Variants in TMEM181 observed in about 807,000 individuals in gnomAD.
TMEM181 encodes G protein-coupled receptor 178.
A neutral mutation model predicts 71.9 loss-of-function variants in TMEM181; 39 were observed. The ratio of observed to expected loss-of-function variants is 0.54; its 90% CI spans 0.42 to 0.71. TMEM181 has a LOEUF of 0.71. Ranked by LOEUF, TMEM181 falls within the 30% of genes least tolerant of loss-of-function variation. The pLI is 0.00. For synonymous variants in TMEM181, 245 were observed against 228.8 expected, an observed-to-expected ratio of 1.07 and a Z score of -0.64; for missense variants, 595 against 583.0, an observed-to-expected ratio of 1.02 and a Z score of -0.21.
At chr6:158,558,879 C>T (rs1239834258), upstream of TMEM181, among the ~76,000 whole-genome samples, 1 of 152,194 alleles carries the variant, frequency 6.6e-6, no homozygotes, top group Non-Finnish European at 1.5e-5. Context: ...CCCCTTCCCG[C>T]GCCCCACGTC....
intron 1 of TMEM181, among the ~76,000 whole-genome samples, chr6:158,573,028 G>C (rs532509188): frequency 6.6e-6 from 1 of 152,114 alleles, no homozygotes; most frequent in African/African-American, 2.4e-5. Flanking sequence ...GGGTGTGCCA[G>C]TGTGTGTGCG....
intron 16 of TMEM181, 65 bp from the exon 17 acceptor site, chr6:158,631,745 G>T: frequency 6.7e-7 from 1 of 1,486,594 alleles, no homozygotes; most frequent in Non-Finnish European, 9.2e-7. Flanking sequence ...TGGTGTGTCA[G>T]TGTGGAAGAG....
chr6:158,629,700 A>G, intron 14 of TMEM181, 30 bp from the exon 15 acceptor site: 2 of 1,563,178 alleles, frequency 1.3e-6, no homozygotes, highest in Non-Finnish European at 1.7e-6. Flanking sequence ...ATGTGTCCAG[A>G]TGCCGCGTTC....
At chr6:158,581,676 A>AC (rs1471811993) in intron 3 of TMEM181, among the ~76,000 whole-genome samples, 16 of 132,410 alleles carry the variant, frequency 1.2e-4, no homozygotes, top group South Asian at 2.4e-4. Context: ...AATGGTGTGA[A>AC]CCCGGGCGGG....
At position 158,607,270 on chromosome 6, in the gene TMEM181, A is replaced by G. The variant is rs1196029196; in HGVS notation, c.600A>G (p.Lys200=). 1.1e-5 allele frequency: 17 copies of G among 1,613,928 alleles called. No individual in the cohort carries two copies. The highest frequency in any genetic ancestry group is 1.1e-5 in the Non-Finnish European group (13 of 1,180,022). Residue 200 remains lysine, a synonymous_variant, in exon 8 of 17, where the codon AAA becomes AAG. Transcript: ENST00000684151. ...GCCTGTTTGCGCATTCCCTCCGGAA[A>G]TTTTCCATGAGAGACTGGGGCATCG... ...VTCLFAHSLR[K]FSMRDWGIEQ...
At chr6:158,541,395 C>T (rs948623821) in intron 1 of TMEM181, among the ~76,000 whole-genome samples, 2 of 151,620 alleles carry the variant, frequency 1.3e-5, no homozygotes, top group South Asian at 2.1e-4. Context: ...CCAGCCTGGG[C>T]GACAAGAGCG....
At chr6:158,551,074 C>T (rs1341270519) in intron 1 of TMEM181, among the ~76,000 whole-genome samples, 1 of 151,690 alleles carries the variant, frequency 6.6e-6, no homozygotes, top group Non-Finnish European at 1.5e-5. Flanking sequence ...ATTCTCCTGC[C>T]TCAGCCTCCC....
In TMEM181 at chr6:158,625,182, G is replaced by A. The variant is rs1263945682; in HGVS notation, c.1033G>A (p.Glu345Lys). Reference protein sequence around the residue: ...LLFLIVRACSELRHMPYVDLR... With the variant: ...LLFLIVRACSKLRHMPYVDLR... ...GTTCTTGATAGTGCGGGCGTGTTCC[G>A]AGCTACGTCACATGCCTTATGTGGG... The change falls in exon 12 of 17, where the codon GAG becomes AAG. Residue 345 changes from glutamate (E) to lysine (K), a missense_variant. Transcript: ENST00000684151. 12 of 1,614,016 alleles carry A rather than the reference G, an allele frequency of 7.4e-6. No individual in the cohort carries two copies. The highest frequency in any genetic ancestry group is 1.7e-5 in the Admixed American group (1 of 59,996).
chr6:158,601,546 G>T (rs892851003), intron 6 of TMEM181, among the ~76,000 whole-genome samples: 2 of 152,138 alleles, frequency 1.3e-5, no homozygotes, highest in Admixed American at 1.3e-4. Flanking sequence ...GGATCACAAG[G>T]TCAGGAGTTC....
At chr6:158,589,636 C>T (rs1562638865) in intron 5 of TMEM181, 36 bp from the exon 6 acceptor site, 1 of 1,558,340 alleles carries the variant, frequency 6.4e-7, no homozygotes, top group South Asian at 1.1e-5. Flanking sequence ...GTGAGTCTCG[C>T]TTTCTTTAAA....
intron 14 of TMEM181, 96 bp downstream of exon 14, chr6:158,628,586 C>A: frequency 1.9e-6 from 2 of 1,049,190 alleles, no homozygotes; most frequent in South Asian, 1.4e-5. Flanking sequence ...GGAGACAGGT[C>A]AGCTCCTCGC....
At chr6:158,554,161 C>CT (rs1781805156) in intron 1 of TMEM181, among the ~76,000 whole-genome samples, 2 of 152,114 alleles carry the variant, frequency 1.3e-5, no homozygotes, top group Admixed American at 1.3e-4. Flanking sequence ...TCTTGGCTCA[C>CT]TGCAACCTCC....
At chr6:158,545,011 G>A (rs943656173) in intron 1 of TMEM181, among the ~76,000 whole-genome samples, 5 of 152,216 alleles carry the variant, frequency 3.3e-5, no homozygotes, top group Admixed American at 3.3e-4. Context: ...ACGCCCCGGG[G>A]TGACGGTTTA....
At chr6:158,596,487 G>A (rs1784397412) in intron 6 of TMEM181, among the ~76,000 whole-genome samples, 1 of 152,130 alleles carries the variant, frequency 6.6e-6, no homozygotes, top group Non-Finnish European at 1.5e-5. Context: ...GCCTGGTGGT[G>A]CCCTTGGCTC....
intron 10 of TMEM181, among the ~76,000 whole-genome samples, chr6:158,615,129 C>T (rs1785546052): frequency 6.6e-6 from 1 of 152,234 alleles, no homozygotes; most frequent in Non-Finnish European, 1.5e-5. Flanking sequence ...TCCTCTTTCT[C>T]TACATCCTCT....
chr6:158,563,943 A>G (rs1191510187), intron 1 of TMEM181, among the ~76,000 whole-genome samples: 1 of 151,972 alleles, frequency 6.6e-6, no homozygotes, highest in African/African-American at 2.4e-5. Flanking sequence ...CACCACACCT[A>G]ATTTTTGTAT....
intron 1 of TMEM181, among the ~76,000 whole-genome samples, chr6:158,542,758 C>CCA: frequency 6.6e-6 from 1 of 151,964 alleles, no homozygotes; most frequent in East Asian, 1.9e-4. Context: ...GCGTGGACCA[C>CCA]CACACCTGGC....
intron 5 of TMEM181, among the ~76,000 whole-genome samples, chr6:158,588,750 C>T (rs1394899434): frequency 6.6e-6 from 1 of 152,214 alleles, no homozygotes; most frequent in Non-Finnish European, 1.5e-5. Context: ...GCCCAGCCAC[C>T]TTCTTGTCTT....
At chr6:158,548,358 T>C (rs1478228429) in intron 1 of TMEM181, among the ~76,000 whole-genome samples, 1 of 152,190 alleles carries the variant, frequency 6.6e-6, no homozygotes, top group African/African-American at 2.4e-5. Context: ...GGAACCCAGC[T>C]GCTAAGACAT....
Sources: allele counts gnomAD v4.1 joint callset (sites outside exome capture counted in the v4.1 genomes callset), GRCh38; gene constraint gnomAD v4.1.1; transcripts MANE v1.5; gene names NCBI Gene and HGNC (gene_info 2026-07-23, HGNC 2026-07-21).